The following TSNARE1 variants were observed in gnomAD, a reference collection of about 807,000 sequenced individuals.
TSNARE1 encodes t-SNARE domain-containing protein 1.
In TSNARE1, 49 loss-of-function variants were observed where a neutral mutation model predicts 62.0. The ratio of observed to expected loss-of-function variants is 0.79; its 90% confidence interval spans 0.63 to 1.00. TSNARE1 has a LOEUF of 1.00. TSNARE1 is among the 50% of genes least tolerant of loss of function. The probability of loss-of-function intolerance (pLI) is 0.00; values close to 1 mark genes in which losing one functional copy is unlikely to be tolerated. For missense variants in TSNARE1, 755 were observed against 700.1 expected (o/e 1.08, Z -0.88); for synonymous variants, 328 against 294.4 (o/e 1.11, Z -1.17).
At chr8:142,258,686 T>A (rs1250913719) in intron 12 of TSNARE1, among the ~76,000 whole-genome samples, 1 of 152,002 alleles carries the variant, frequency 6.6e-6, no homozygotes, top group Admixed American at 6.6e-5. Flanking sequence ...GGTTTTGCTT[T>A]TTTATCATAT....
intron 11 of TSNARE1, among the ~76,000 whole-genome samples, chr8:142,282,846 C>G (rs1821844996): frequency 7.6e-6 from 1 of 132,378 alleles, no homozygotes; most frequent in Non-Finnish European, 1.6e-5. Flanking sequence ...GGAGGTGGGG[C>G]CAGTGTCTAT....
chr8:142,400,135 A>G (rs1838180150), intron 1 of TSNARE1, among the ~76,000 whole-genome samples: 1 of 151,362 alleles, frequency 6.6e-6, no homozygotes, highest in Non-Finnish European at 1.5e-5. Flanking sequence ...CAGGAGCTTG[A>G]GTCTAGCCTG....
At chr8:142,368,381 T>C (rs1052069222) in intron 1 of TSNARE1, among the ~76,000 whole-genome samples, 2 of 152,170 alleles carry the variant, frequency 1.3e-5, no homozygotes, top group African/African-American at 2.4e-5. Context: ...GTGAAATTTA[T>C]ACTGGTTCGG....
chr8:142,236,554 CAT>C (rs1339567708), intron 12 of TSNARE1, among the ~76,000 whole-genome samples: 1 of 151,664 alleles, frequency 6.6e-6, no homozygotes, highest in Non-Finnish European at 1.5e-5. Context: ...GGCTGATCCC[CAT>C]GTCCCCAGGC....
chr8:142,374,002 A>T (rs1264261765), intron 1 of TSNARE1, among the ~76,000 whole-genome samples: 2 of 152,152 alleles, frequency 1.3e-5, no homozygotes, highest in Non-Finnish European at 2.9e-5. Flanking sequence ...TGAGGAAAAA[A>T]ATTAAAAGAC....
intron 1 of TSNARE1, 165 bp downstream of exon 1, chr8:142,402,939 C>T (rs1027054672): frequency 2.0e-5 from 3 of 151,558 alleles, no homozygotes; most frequent in Admixed American, 2.0e-4. Context: ...CCTCCCCTCC[C>T]CACCGGCGCG....
At chr8:142,280,829 G>A (rs12679951) in intron 11 of TSNARE1, among the ~76,000 whole-genome samples, 40,688 of 152,060 alleles carry the variant, frequency 0.27, 6,214 homozygotes, top group African/African-American at 0.39. Flanking sequence ...AGGGGTCCTG[G>A]GGAGAGGAGG....
At chr8:142,358,782 C>G (rs934569251) in intron 1 of TSNARE1, among the ~76,000 whole-genome samples, 1 of 151,376 alleles carries the variant, frequency 6.6e-6, no homozygotes, top group Admixed American at 6.6e-5. Context: ...TGGGTGCAAC[C>G]CCCCCATCGC....
At chr8:142,251,328 C>A (rs1199330704) in intron 12 of TSNARE1, among the ~76,000 whole-genome samples, 1 of 126,922 alleles carries the variant, frequency 7.9e-6, no homozygotes, top group East Asian at 2.9e-4. Context: ...GAGAACCCCG[C>A]CCCCCTCCCC....
chr8:142,295,721 A>G (rs1824568324), intron 10 of TSNARE1, among the ~76,000 whole-genome samples: 1 of 152,008 alleles, frequency 6.6e-6, no homozygotes, highest in Non-Finnish European at 1.5e-5. Flanking sequence ...TAAACCAGTA[A>G]AGAGAAACGT....
intron 1 of TSNARE1, among the ~76,000 whole-genome samples, chr8:142,397,963 G>C (rs1479226805): frequency 6.6e-6 from 1 of 152,026 alleles, no homozygotes; most frequent in Non-Finnish European, 1.5e-5. Flanking sequence ...CTGGGCCCCG[G>C]GTTCCCTGCT....
At chr8:142,338,385 G>A (rs1195822320) in intron 4 of TSNARE1, among the ~76,000 whole-genome samples, 2 of 152,232 alleles carry the variant, frequency 1.3e-5, no homozygotes, top group South Asian at 2.1e-4. Context: ...GGGGTCCCCA[G>A]GGCAGGAGCT....
intron 6 of TSNARE1, among the ~76,000 whole-genome samples, chr8:142,323,003 G>C (rs905208037): frequency 6.6e-6 from 1 of 151,916 alleles, no homozygotes; most frequent in African/African-American, 2.4e-5. Flanking sequence ...CCGTGTCTGT[G>C]GGCTGGATGA....
chr8:142,379,948 G>A (rs963453520), intron 1 of TSNARE1, among the ~76,000 whole-genome samples: 4 of 152,188 alleles, frequency 2.6e-5, no homozygotes, highest in African/African-American at 9.7e-5. Context: ...GGGTCTGAAG[G>A]GCCTTCTTGT....
At chr8:142,311,379 C>T (rs910980518) in intron 9 of TSNARE1, among the ~76,000 whole-genome samples, 3 of 149,876 alleles carry the variant, frequency 2.0e-5, no homozygotes, top group Non-Finnish European at 4.4e-5. Flanking sequence ...CTCACCACAG[C>T]CTCTGCCTCC....
At chr8:142,298,147 G>A (rs1271236961) in intron 10 of TSNARE1, among the ~76,000 whole-genome samples, 1 of 152,192 alleles carries the variant, frequency 6.6e-6, no homozygotes, top group Non-Finnish European at 1.5e-5. Flanking sequence ...GCCCAGGCCC[G>A]AGTGAGTTCA....
At chr8:142,278,439 G>C in intron 11 of TSNARE1, 2 of 985,462 alleles carry the variant, frequency 2.0e-6, no homozygotes, top group South Asian at 4.7e-5. Flanking sequence ...CCGGGGCTTC[G>C]TTCCCAAAGT....
intron 4 of TSNARE1, among the ~76,000 whole-genome samples, chr8:142,340,410 G>A (rs995061242): frequency 2.6e-5 from 4 of 152,148 alleles, no homozygotes; most frequent in South Asian, 2.1e-4. Flanking sequence ...CAGGCAGACC[G>A]CAGACTAGAG....
Position 142,251,383 on chromosome 8 carries a change from GA to G in TSNARE1, c.1447-21805del, listed in dbSNP as rs1208635145. ...GAAAAGAGACTTGGTTCATCCTTCT[GA>G]GGGAAGTTGAGAGAAAGGGCTGCAA... On this transcript the variant is annotated intron_variant, in intron 12 of 13. Coordinates refer to ENST00000524325, the MANE Select transcript of TSNARE1 (RefSeq NM_145003.5). Among the ~76,000 whole-genome samples, 9 of 145,314 alleles carry G rather than the reference GA, an allele frequency of 6.2e-5. 1 individual carries two copies. Among genetic ancestry groups the G allele is most frequent in the South Asian group, 4.3e-4 (2 of 4,660 alleles).
Sources: gnomAD v4.1 joint callset for allele counts (sites outside exome capture counted in the v4.1 genomes callset) on GRCh38, gnomAD v4.1.1 for gene constraint, MANE v1.5 for transcripts, NCBI Gene and HGNC (gene_info 2026-07-23, HGNC 2026-07-21) for gene names.